The following PCBD1 variants were observed in gnomAD, a reference collection of about 807,000 sequenced individuals.
PCBD1 encodes the protein pterin-4-alpha-carbinolamine dehydratase.
Under a neutral mutation model 12.6 loss-of-function variants are expected in PCBD1, and 16 were observed. The observed-to-expected ratio is 1.27, with a 90% CI of 0.86 to 1.93. PCBD1 has a LOEUF of 1.93. PCBD1 is among the 30% of genes most tolerant of loss of function. The pLI is 0.00. For synonymous variants in PCBD1, 53 were observed against 50.2 expected (o/e 1.05, Z -0.23); for missense variants, 86 against 130.1 (o/e 0.66, Z 1.65).
chr10:70,886,369 C>A (rs932961826), intron 1 of PCBD1, among the ~76,000 whole-genome samples: 1 of 152,186 alleles, frequency 6.6e-6, no homozygotes, highest in African/African-American at 2.4e-5. Flanking sequence ...ACTCTCCCCC[C>A]TTCCTTTTCC....
chr10:70,885,668 G>A (rs1250814313), intron 2 of PCBD1, 130 bp downstream of exon 2: 27 of 1,174,060 alleles, frequency 2.3e-5, no homozygotes, highest in Non-Finnish European at 3.0e-5. Context: ...CACTGGCACA[G>A]TGCCCAAATA....
downstream of PCBD1, among the ~76,000 whole-genome samples, chr10:70,882,688 T>C (rs1473137841): frequency 6.6e-6 from 1 of 152,196 alleles, no homozygotes; most frequent in African/African-American, 2.4e-5. Flanking sequence ...AGTCTACTGA[T>C]TCAAATGTTA....
At chr10:70,886,895 T>G (rs1440453347) in intron 1 of PCBD1, among the ~76,000 whole-genome samples, 1 of 152,176 alleles carries the variant, frequency 6.6e-6, no homozygotes, top group Non-Finnish European at 1.5e-5. Flanking sequence ...CCTAGGAGGA[T>G]CCAGGTCTAG....
rs145101461 is a variant in PCBD1, at chr10:70,883,629, C to T, written c.*321G>A. The T allele has an allele frequency of 1.1e-5, 14 of 1,238,158 alleles. No homozygotes were observed. The highest frequency in any genetic ancestry group is 3.4e-4 in the Middle Eastern group (1 of 2,942). The allele number at this position is 1,238,158 out of a possible 1,614,324, so 76.7% of individuals were successfully genotyped here. A position where few individuals can be genotyped will look rare whatever the true frequency, so the allele number is the denominator to read the frequency against. ...TTATTTCACCCTGTATCACAGCTTC[C>T]TGGGAAATGAATTAGGGAGCAAGAG... On this transcript the variant is annotated 3_prime_UTR_variant, in exon 4 of 4. Transcript: ENST00000299299.
chr10:70,886,044 C>T (rs1447130876), intron 1 of PCBD1, 115 bp from the exon 2 acceptor site: 6 of 1,372,212 alleles, frequency 4.4e-6, no homozygotes, highest in Non-Finnish European at 6.0e-6. Context: ...ACGTGGGTGA[C>T]CAAAGGGCAG....
At position 70,883,662 on chromosome 10, in the gene PCBD1, G is replaced by A. The variant is rs1846532476; in HGVS notation, c.*288C>T. 7 of 1,300,982 alleles carry A rather than the reference G, an allele frequency of 5.4e-6. No individual in the cohort carries two copies. Among genetic ancestry groups the A allele is most frequent in the Non-Finnish European group, 6.9e-6 (7 of 1,015,436 alleles). 80.6% of individuals were successfully genotyped at this position (1,300,982 alleles called of 1,614,324 possible). A position where few individuals can be genotyped will look rare whatever the true frequency, so the allele number is the denominator to read the frequency against. On this transcript the variant is annotated 3_prime_UTR_variant, in exon 4 of 4. Coordinates refer to ENST00000299299, the MANE Select transcript of PCBD1 (RefSeq NM_000281.4). ...TGAATTAGGGAGCAAGAGACGGCCT[G>A]GCAAGAAAATCATTATTGTTGCTGG...
chr10:70,884,282 T>A (rs1189965607), intron 3 of PCBD1, among the ~76,000 whole-genome samples: 1 of 152,160 alleles, frequency 6.6e-6, no homozygotes, highest in African/African-American at 2.4e-5. Flanking sequence ...TATCTGAATG[T>A]CAAGAGCAAC....
chr10:70,885,686 G>T, intron 2 of PCBD1, 112 bp downstream of exon 2: 1 of 1,309,574 alleles, frequency 7.6e-7, no homozygotes, highest in Non-Finnish European at 1.1e-6. Context: ...ATAACTGGAT[G>T]AGTGTGGTGT....
chr10:70,885,335 C>T (rs1453307777), intron 2 of PCBD1, 103 bp from the exon 3 acceptor site: 2 of 801,658 alleles, frequency 2.5e-6, no homozygotes, highest in African/African-American at 3.4e-5. Context: ...AGCTTCCCCC[C>T]AGGAGACTCC....
chr10:70,882,732 G>A (rs751236255), downstream of PCBD1, among the ~76,000 whole-genome samples: 10 of 152,230 alleles, frequency 6.6e-5, no homozygotes, highest in East Asian at 1.3e-3. Flanking sequence ...AGACACACCC[G>A]GAATGTTTGA....
chr10:70,888,289 G>T (rs1367380918), intron 1 of PCBD1: 5 of 376,892 alleles, frequency 1.3e-5, no homozygotes, highest in Non-Finnish European at 2.4e-5. Flanking sequence ...GCACTGGCCG[G>T]GGTCAGGGCA....
chr10:70,885,302 G>T, intron 2 of PCBD1, 70 bp from the exon 3 acceptor site: 1 of 1,160,088 alleles, frequency 8.6e-7, no homozygotes, highest in Non-Finnish European at 1.3e-6. Context: ...CCAATTCAAG[G>T]CCTAGACGCA....
intron 2 of PCBD1, 117 bp downstream of exon 2, chr10:70,885,681 T>C: frequency 7.8e-7 from 1 of 1,286,696 alleles, no homozygotes; most frequent in Admixed American, 1.8e-5. Flanking sequence ...CCCAAATAAC[T>C]GGATGAGTGT....
intron 2 of PCBD1, 110 bp downstream of exon 2, chr10:70,885,688 G>A (rs10999574): frequency 7.5e-7 from 1 of 1,331,576 alleles, no homozygotes; most frequent in Admixed American, 1.8e-5. Flanking sequence ...AACTGGATGA[G>A]TGTGGTGTCT....
intron 1 of PCBD1, 158 bp downstream of exon 1, chr10:70,888,373 C>T (rs1380892142): frequency 2.7e-6 from 2 of 751,540 alleles, no homozygotes; most frequent in African/African-American, 3.8e-5. Flanking sequence ...CCCTCCCCGC[C>T]GCCAGCGACA....
intron 3 of PCBD1, 127 bp from the exon 4 acceptor site, chr10:70,884,175 GAC>G: frequency 1.2e-6 from 1 of 868,380 alleles, no homozygotes; most frequent in African/African-American, 1.7e-5. Flanking sequence ...CTCTCCTGGG[GAC>G]TCCTTCCTGA....
chr10:70,882,337 CAG>C (rs1327481884), downstream of PCBD1: 3 of 152,194 alleles, frequency 2.0e-5, no homozygotes, highest in African/African-American at 7.2e-5. Context: ...TCCAGAGAAA[CAG>C]AACCAATACA....
chr10:70,888,219 G>T (rs1016724680), intron 1 of PCBD1: 3 of 303,874 alleles, frequency 9.9e-6, no homozygotes, highest in African/African-American at 4.5e-5. Flanking sequence ...ACTCCTCCAC[G>T]ACTGTCTTCC....
chr10:70,882,689 T>C (rs1236630678), downstream of PCBD1, among the ~76,000 whole-genome samples: 1 of 152,192 alleles, frequency 6.6e-6, no homozygotes, highest in African/African-American at 2.4e-5. Flanking sequence ...GTCTACTGAT[T>C]CAAATGTTAT....
Sources: gnomAD v4.1 joint callset for allele counts (sites outside exome capture counted in the v4.1 genomes callset) on GRCh38, gnomAD v4.1.1 for gene constraint, MANE v1.5 for transcripts, NCBI Gene and HGNC (gene_info 2026-07-23, HGNC 2026-07-21) for gene names.